The following BCAS3 variants were observed in gnomAD, a reference collection of about 807,000 sequenced individuals.
BCAS3 encodes the protein BCAS4/BCAS3 fusion.
A neutral mutation model predicts 116.1 loss-of-function variants in BCAS3; 53 were observed. That is an observed-to-expected ratio of 0.46 (90% CI 0.37 to 0.57). BCAS3 has a LOEUF of 0.57. BCAS3 is among the 20% of genes least tolerant of loss of function. BCAS3 has a pLI of 0.00. For missense variants in BCAS3, 917 were observed against 1,165.4 expected, an observed-to-expected ratio of 0.79 and a Z score of 3.10; for synonymous variants, 391 against 408.2, an observed-to-expected ratio of 0.96 and a Z score of 0.51.
At chr17:60,869,059 G>T (rs568030994) in intron 8 of BCAS3, among the ~76,000 whole-genome samples, 1 of 152,256 alleles carries the variant, frequency 6.6e-6, no homozygotes, top group East Asian at 1.9e-4. Flanking sequence ...GTTTTGCTGT[G>T]AGAAACCACC....
At position 60,938,564 on chromosome 17, in the gene BCAS3, G is replaced by A. The variant is rs934787587; in HGVS notation, c.1088-8655G>A. 3.3e-5 allele frequency among the ~76,000 whole-genome samples: 5 copies of A among 151,912 alleles called. No homozygotes were observed. In the South Asian group the frequency reaches 6.2e-4, roughly 19 times the overall value. ...AACTATGAAACTTTAAAAAGAAAAC[G>A]TAAGGTTATATCCTTAAACTTGGGA... On this transcript the variant is annotated intron_variant, in intron 13 of 23. Coordinates refer to ENST00000407086, the MANE Select transcript of BCAS3 (RefSeq NM_017679.5).
intron 7 of BCAS3, among the ~76,000 whole-genome samples, chr17:60,812,084 C>T (rs2144642090): frequency 2.0e-5 from 3 of 151,582 alleles, no homozygotes. Context: ...AAGTTGTTTT[C>T]ATAAGTTGTT....
rs1005858934 is a variant in BCAS3 at position 61,124,921 on chromosome 17, C to A, written c.2425+40357C>A. 3.9e-5 allele frequency among the ~76,000 whole-genome samples: 6 copies of A among 152,142 alleles called. No individual in the cohort carries two copies. Among genetic ancestry groups the A allele is most frequent in the Non-Finnish European group, 7.4e-5 (5 of 68,026 alleles). On this transcript the variant is annotated intron_variant, in intron 22 of 23. Coordinates refer to ENST00000407086, the MANE Select transcript of BCAS3 (RefSeq NM_017679.5). This position sits in a 1 kb window ranked among gnomAD's most constrained non-coding sequence, Gnocchi z 4.6. Reference sequence around the variant, plus strand: ...AATATTGGCTTCCTGGAAATAGATACAGGTGACAATGGCAAAGTGAGGAGT... The same window carrying A: ...AATATTGGCTTCCTGGAAATAGATAAAGGTGACAATGGCAAAGTGAGGAGT...
At chr17:60,801,062 A>C (rs528365035) in intron 6 of BCAS3, among the ~76,000 whole-genome samples, 2 of 152,106 alleles carry the variant, frequency 1.3e-5, no homozygotes, top group African/African-American at 4.8e-5. Flanking sequence ...CTTTCCATAA[A>C]ATTTTAGAAT....
At position 60,837,529 on chromosome 17, in the gene BCAS3, A is replaced by C. The variant is rs78934778; in HGVS notation, c.476+29453A>C. ...ATATTATACAACTTTTATGCCAATA[A>C]ATTTGTTAACTTACATGAAATGGAA... On this transcript the variant is annotated intron_variant, in intron 7 of 23. Transcript: ENST00000407086. 1.7e-3 allele frequency among the ~76,000 whole-genome samples: 258 copies of C among 152,362 alleles called. 5 individuals carry two copies. The East Asian group carries it at 0.041, about 24-fold the overall frequency.
At chr17:60,859,546 A>G (rs1375547315) in intron 7 of BCAS3, among the ~76,000 whole-genome samples, 1 of 151,412 alleles carries the variant, frequency 6.6e-6, no homozygotes, top group Non-Finnish European at 1.5e-5. Flanking sequence ...TATGCTGTGT[A>G]GTATTCTGTG....
At chr17:61,005,271 A>C (rs1016288762) in intron 15 of BCAS3, among the ~76,000 whole-genome samples, 2 of 152,068 alleles carry the variant, frequency 1.3e-5, no homozygotes, top group African/African-American at 4.8e-5. Flanking sequence ...TGGTGTGCTT[A>C]GTTTGATTTT....
chr17:60,923,175 T>G (rs1336713606), intron 12 of BCAS3, among the ~76,000 whole-genome samples: 1 of 152,188 alleles, frequency 6.6e-6, no homozygotes, highest in Non-Finnish European at 1.5e-5. Context: ...ATCAATGTAT[T>G]TGTAGCTAGA....
Position 61,235,586 on chromosome 17 carries a change from G to A in BCAS3, c.2426-132741G>A, listed in dbSNP as rs1237985342. Among the ~76,000 whole-genome samples, 1 of 152,026 alleles carries A rather than the reference G, an allele frequency of 6.6e-6. No homozygotes were observed. Among genetic ancestry groups the A allele is most frequent in the East Asian group, 1.9e-4 (1 of 5,174 alleles). The stretch of plus-strand genomic sequence containing the variant: ...GATTCCTGAGCCTTTAGTGGATGCT[G>A]AGCTGGAGACCCCCGTTAGTGCTAC... On this transcript the variant is annotated intron_variant, in intron 22 of 23. Transcript: ENST00000407086. The surrounding 1 kb of genome is among the most constrained non-coding windows in gnomAD (Gnocchi z 5.0).
At chr17:61,319,847 A>G (rs933704765) in intron 22 of BCAS3, among the ~76,000 whole-genome samples, 1 of 151,144 alleles carries the variant, frequency 6.6e-6, no homozygotes, top group Admixed American at 6.6e-5. Context: ...TTCATAGAAT[A>G]GTCTTTTTTC....
chr17:61,344,980 T>C lies in BCAS3; in HGVS notation c.2426-23347T>C, dbSNP rs1422840516. Among the ~76,000 whole-genome samples the C allele has an allele frequency of 6.6e-6, 1 of 151,954 alleles. No homozygotes were observed. The highest frequency in any genetic ancestry group is 1.5e-5 in the Non-Finnish European group (1 of 67,960). On this transcript the variant is annotated intron_variant, in intron 22 of 23. Transcript: ENST00000407086. The surrounding 1 kb of genome is among the most constrained non-coding windows in gnomAD (Gnocchi z 4.1). ...CCCTCACAGAAAAATAGCCACTCTG[T>C]CCCTTCTCATGCGGAGGAAGCACAG...
intron 22 of BCAS3, among the ~76,000 whole-genome samples, chr17:61,172,260 T>C (rs1445460153): frequency 6.6e-6 from 1 of 152,190 alleles, no homozygotes; most frequent in Admixed American, 6.5e-5. Context: ...CTTAATCTAG[T>C]TGACATTTAC....
At chr17:60,849,130 G>T (rs763450861) in intron 7 of BCAS3, among the ~76,000 whole-genome samples, 5 of 152,214 alleles carry the variant, frequency 3.3e-5, no homozygotes, top group Non-Finnish European at 5.9e-5. Context: ...GAATTGGTTT[G>T]TGTAATTTGG....
intron 13 of BCAS3, among the ~76,000 whole-genome samples, chr17:60,925,313 TTTTG>T (rs962514378): frequency 2.0e-5 from 3 of 152,244 alleles, no homozygotes; most frequent in Admixed American, 6.5e-5. Flanking sequence ...GCTAAGGAGT[TTTTG>T]TTTGTTTGTT....
intron 6 of BCAS3, among the ~76,000 whole-genome samples, chr17:60,798,558 A>AT (rs1816068515): frequency 6.6e-6 from 1 of 152,156 alleles, no homozygotes; most frequent in African/African-American, 2.4e-5. Flanking sequence ...TTGTTTGGAT[A>AT]TATTACAGTT....
At chr17:61,269,801 T>C (rs2050082326) in intron 22 of BCAS3, among the ~76,000 whole-genome samples, 1 of 150,754 alleles carries the variant, frequency 6.6e-6, no homozygotes, top group Non-Finnish European at 1.5e-5. Flanking sequence ...TTTCTTTCTT[T>C]CTTTTTTTTT....
intron 22 of BCAS3, among the ~76,000 whole-genome samples, chr17:61,334,832 C>T (rs376461371): frequency 2.6e-4 from 40 of 152,280 alleles, no homozygotes; most frequent in African/African-American, 8.4e-4. Flanking sequence ...TAACAGCAAC[C>T]GGTATTTATT....
At chr17:61,210,307 G>A (rs2081381731) in intron 22 of BCAS3, among the ~76,000 whole-genome samples, 1 of 152,130 alleles carries the variant, frequency 6.6e-6, no homozygotes, top group Non-Finnish European at 1.5e-5. Context: ...GAAGTAACCT[G>A]GTGGGTTTGA....
chr17:60,866,559 T>C (rs2054611367), intron 7 of BCAS3, among the ~76,000 whole-genome samples: 1 of 152,248 alleles, frequency 6.6e-6, no homozygotes, highest in South Asian at 2.1e-4. Context: ...TTATAAAATA[T>C]GTTGGAAAGT....
Sources: gnomAD v4.1 joint callset for allele counts (sites outside exome capture counted in the v4.1 genomes callset) on GRCh38, gnomAD v4.1.1 for gene constraint, Gnocchi (gnomAD v3.1) non-coding constraint, MANE v1.5 for transcripts, NCBI Gene and HGNC (gene_info 2026-07-23, HGNC 2026-07-21) for gene names.